The following CGGBP1 variants were observed in gnomAD, a reference collection of about 807,000 sequenced individuals.
CGGBP1 encodes CGG triplet repeat-binding protein 1.
A neutral mutation model predicts 11.4 loss-of-function variants in CGGBP1; 4 were observed. That is an observed-to-expected ratio of 0.35 (90% CI 0.17 to 0.80). CGGBP1 has a LOEUF of 0.80. Among genes scored for constraint, CGGBP1 ranks in the 30% least tolerant of loss-of-function variants. CGGBP1 has a pLI of 0.52. For synonymous variants in CGGBP1, 76 were observed against 74.1 expected (o/e 1.03, Z -0.13); for missense variants, 135 against 202.1 (o/e 0.67, Z 2.01).
intron 2 of CGGBP1, among the ~76,000 whole-genome samples, chr3:88,122,818 T>C (rs1205894431): frequency 1.3e-5 from 2 of 152,002 alleles, no homozygotes; most frequent in African/African-American, 4.8e-5. Flanking sequence ...GATACCAGCC[T>C]GGCCAGCATG....
intron 1 of CGGBP1, among the ~76,000 whole-genome samples, chr3:88,147,979 T>C (rs1221472872): frequency 3.3e-5 from 5 of 152,204 alleles, no homozygotes; most frequent in African/African-American, 9.6e-5. Flanking sequence ...TAGATCAGTC[T>C]TGACTGCAAC....
chr3:88,067,039 A>G (rs1471645008), intron 2 of CGGBP1, among the ~76,000 whole-genome samples: 1 of 152,200 alleles, frequency 6.6e-6, no homozygotes, highest in African/African-American at 2.4e-5. Flanking sequence ...TCTACTGTCA[A>G]CTTTTCAAAG....
At chr3:88,120,176 C>T (rs1705681598) in intron 2 of CGGBP1, among the ~76,000 whole-genome samples, 1 of 151,964 alleles carries the variant, frequency 6.6e-6, no homozygotes. Context: ...CCTTATTTTA[C>T]ATATCTGAAA....
chr3:88,093,063 G>A (rs1164806629), intron 2 of CGGBP1, among the ~76,000 whole-genome samples: 1 of 152,140 alleles, frequency 6.6e-6, no homozygotes, highest in Non-Finnish European at 1.5e-5. Flanking sequence ...CTTATAAGAT[G>A]TATTTTCTGA....
chr3:88,070,616 T>G lies in CGGBP1; in HGVS notation c.-228-12393A>C, dbSNP rs1707458493. Among the ~76,000 whole-genome samples the G allele has an allele frequency of 2.0e-5, 3 of 146,380 alleles. No individual in the cohort carries two copies. The East Asian group carries it at 6.0e-4, about 29-fold the overall frequency. ...CAGATCATATTGGTGTTTGCCCATT[T>G]AATTTTATATACTCTGTGATTGCTT... On this transcript the variant is annotated intron_variant, in intron 2 of 3. Transcript: ENST00000462901.
chr3:88,101,481 G>C, intron 2 of CGGBP1, among the ~76,000 whole-genome samples: 1 of 152,152 alleles, frequency 6.6e-6, no homozygotes, highest in East Asian at 1.9e-4. Context: ...TTTTCACTTA[G>C]AATAATGTTC....
chr3:88,126,401 T>C (rs1039476921), intron 2 of CGGBP1: 24 of 1,043,364 alleles, frequency 2.3e-5, no homozygotes, highest in Non-Finnish European at 3.0e-5. Context: ...TATTTTCACA[T>C]GAAAAGTGTT....
intron 2 of CGGBP1, among the ~76,000 whole-genome samples, chr3:88,078,406 A>G (rs1328218882): frequency 1.3e-5 from 2 of 152,150 alleles, no homozygotes; most frequent in African/African-American, 2.4e-5. Context: ...CTGGTAGGGT[A>G]TTTTTAAATA....
At chr3:88,129,617 A>C in intron 2 of CGGBP1, 1 of 1,194,166 alleles carries the variant, frequency 8.4e-7, no homozygotes, top group Non-Finnish European at 1.1e-6. Flanking sequence ...TTGAATGTTT[A>C]AACATTTATT....
At chr3:88,138,628 G>A in intron 2 of CGGBP1, 1 of 844,808 alleles carries the variant, frequency 1.2e-6, no homozygotes, top group Non-Finnish European at 1.6e-6. Flanking sequence ...TTTAAGAGTT[G>A]TGTTTTTTAA....
At chr3:88,137,042 A>G (rs1212871769) in intron 2 of CGGBP1, among the ~76,000 whole-genome samples, 11 of 151,966 alleles carry the variant, frequency 7.2e-5, no homozygotes, top group Non-Finnish European at 1.5e-4. Flanking sequence ...TAAAAATACA[A>G]AAATTAGCCA....
Position 88,107,749 on chromosome 3 carries a change from T to C in CGGBP1, c.-229+33221A>G, listed in dbSNP as rs190017592. ...TTTTTTCTTCAGGTGTATCTAATCA[T>C]CCATAAGATCTGCCTGTTGACTTTT... On this transcript the variant is annotated intron_variant, in intron 2 of 3. Transcript: ENST00000462901. Among the ~76,000 whole-genome samples, 10 of 152,268 alleles carry C rather than the reference T, an allele frequency of 6.6e-5. No individual in the cohort carries two copies. In the East Asian group the frequency reaches 1.9e-3, roughly 29 times the overall value.
At chr3:88,089,024 C>T (rs1708495225) in intron 2 of CGGBP1, among the ~76,000 whole-genome samples, 1 of 151,812 alleles carries the variant, frequency 6.6e-6, no homozygotes, top group Non-Finnish European at 1.5e-5. Flanking sequence ...CTACCCACCT[C>T]AGGCTCCCAA....
At chr3:88,124,104 T>C (rs1030414604) in intron 2 of CGGBP1, among the ~76,000 whole-genome samples, 4 of 152,186 alleles carry the variant, frequency 2.6e-5, no homozygotes, top group African/African-American at 9.7e-5. Flanking sequence ...TGCCCTAAAA[T>C]AAGATATTTA....
intron 2 of CGGBP1, among the ~76,000 whole-genome samples, chr3:88,108,970 G>T (rs112830072): frequency 6.7e-4 from 102 of 152,222 alleles, no homozygotes; most frequent in Middle Eastern, 6.8e-3. Flanking sequence ...GCCACATGGT[G>T]CATGTTAAGG....
intron 1 of CGGBP1, among the ~76,000 whole-genome samples, chr3:88,149,530 TA>T (rs909685651): frequency 5.3e-5 from 8 of 152,252 alleles, no homozygotes; most frequent in African/African-American, 1.9e-4. Context: ...TAAATTATTT[TA>T]ATTTACTTAA....
intron 2 of CGGBP1, among the ~76,000 whole-genome samples, chr3:88,119,411 A>AGGGGGGC (rs1705629599): frequency 2.7e-5 from 1 of 37,234 alleles, no homozygotes; most frequent in Non-Finnish European, 5.1e-5. Context: ...GGGAGGGGGG[A>AGGGGGGC]GGGATAGCAT....
At chr3:88,129,171 T>C (rs2107834259) in intron 2 of CGGBP1, 2 of 564,252 alleles carry the variant, frequency 3.5e-6, no homozygotes, top group Non-Finnish European at 6.1e-6. Context: ...GCACCATAAC[T>C]TAAGGTCATG....
At chr3:88,141,440 C>G (rs577263105) in intron 1 of CGGBP1, among the ~76,000 whole-genome samples, 3 of 151,872 alleles carry the variant, frequency 2.0e-5, no homozygotes, top group Admixed American at 6.6e-5. Context: ...GAATATAAAT[C>G]AAGTGAATCT....
Sources: gnomAD v4.1 joint callset for allele counts (sites outside exome capture counted in the v4.1 genomes callset) on GRCh38, gnomAD v4.1.1 for gene constraint, MANE v1.5 for transcripts, NCBI Gene and HGNC (gene_info 2026-07-23, HGNC 2026-07-21) for gene names.